KHDRBS3: variants seen among roughly 807,000 people sequenced by gnomAD.
The protein encoded by KHDRBS3 is KH domain-containing, RNA-binding, signal transduction-associated protein 3.
KHDRBS3 carries 23 observed loss-of-function variants against 45.6 expected under a neutral mutation model. The observed-to-expected ratio is 0.50, with a 90% confidence interval of 0.36 to 0.72. The LOEUF (loss-of-function observed/expected upper bound fraction) is 0.72, where lower values mean the gene tolerates loss of function less well. Ranked by LOEUF, KHDRBS3 falls within the 30% of genes least tolerant of loss-of-function variation. KHDRBS3 has a pLI of 0.00. For synonymous variants in KHDRBS3, 162 were observed against 156.5 expected (o/e 1.04, Z -0.26); for missense variants, 352 against 424.8 (o/e 0.83, Z 1.51).
At chr8:135,613,101 G>A (rs537501282) in intron 7 of KHDRBS3, among the ~76,000 whole-genome samples, 11 of 151,594 alleles carry the variant, frequency 7.3e-5, no homozygotes, top group South Asian at 6.2e-4. Context: ...ACTGGAAAGC[G>A]GCCCCTCATA....
chr8:135,618,745 G>A (rs1489925344), intron 7 of KHDRBS3, among the ~76,000 whole-genome samples: 2 of 152,090 alleles, frequency 1.3e-5, no homozygotes, highest in African/African-American at 2.4e-5. Context: ...GAGTCAGGCC[G>A]ACCTGACCTT....
chr8:135,584,169 G>A (rs959081623), intron 6 of KHDRBS3, among the ~76,000 whole-genome samples: 1 of 152,180 alleles, frequency 6.6e-6, no homozygotes, highest in Non-Finnish European at 1.5e-5. Flanking sequence ...ACTCTTCCAG[G>A]CACTGACTGT....
rs772322076 is a variant in KHDRBS3, at chr8:135,581,987, C to A, written c.721C>A (p.Leu241Ile). Residue 241 changes from leucine to isoleucine, a missense_variant, in exon 6 of 9, where the codon CTT becomes ATT. Leu to Ile is a conservative substitution (Grantham distance 5). Coordinates refer to ENST00000355849, the MANE Select transcript of KHDRBS3 (RefSeq NM_006558.3). ...AGGGCCAGTGAGTCGGGGAAGAGGA[C>A]TTCTCACTCCCAGAGCAAGAGGAGT... ...TRGPVSRGRGLLTPRARGVPP... is the reference protein window; with the variant it reads ...TRGPVSRGRGILTPRARGVPP... The A allele has an allele frequency of 1.2e-6, 2 of 1,613,382 alleles. No individual in the cohort carries two copies. Among genetic ancestry groups the A allele is most frequent in the Admixed American group, 3.3e-5 (2 of 59,924 alleles).
At chr8:135,544,440 G>A (rs1373449108) in intron 3 of KHDRBS3, among the ~76,000 whole-genome samples, 1 of 152,142 alleles carries the variant, frequency 6.6e-6, no homozygotes, top group Non-Finnish European at 1.5e-5. Flanking sequence ...TCAGGGCTTG[G>A]TGGGCCTTCC....
intron 1 of KHDRBS3, among the ~76,000 whole-genome samples, chr8:135,459,705 C>G (rs1171625389): frequency 6.6e-6 from 1 of 152,192 alleles, no homozygotes; most frequent in African/African-American, 2.4e-5. Context: ...AGTGCGTTAT[C>G]TTATTTTAAA....
intron 7 of KHDRBS3, among the ~76,000 whole-genome samples, chr8:135,614,386 CTT>C (rs1829828055): frequency 1.3e-5 from 2 of 151,730 alleles, no homozygotes; most frequent in Non-Finnish European, 2.9e-5. Flanking sequence ...TTGTAAATAT[CTT>C]TATTTTATTC....
chr8:135,517,942 A>G (rs545727220), intron 1 of KHDRBS3, among the ~76,000 whole-genome samples: 19 of 152,346 alleles, frequency 1.2e-4, no homozygotes, highest in African/African-American at 4.3e-4. Context: ...GATATTTTAT[A>G]TAGATTTTCT....
intron 1 of KHDRBS3, among the ~76,000 whole-genome samples, chr8:135,475,234 CAT>C (rs1822212581): frequency 1.3e-5 from 2 of 152,166 alleles, no homozygotes; most frequent in African/African-American, 4.8e-5. Flanking sequence ...TTAGGGGAGC[CAT>C]TATTCTGCCT....
chr8:135,646,356 C>T (rs550258892), intron 8 of KHDRBS3, among the ~76,000 whole-genome samples: 8 of 152,156 alleles, frequency 5.3e-5, no homozygotes, highest in South Asian at 4.2e-4. Context: ...TTGTTCAGTA[C>T]GGATTTAGCA....
intron 7 of KHDRBS3, among the ~76,000 whole-genome samples, chr8:135,617,756 T>C (rs1392934453): frequency 1.3e-5 from 2 of 152,206 alleles, no homozygotes; most frequent in African/African-American, 4.8e-5. Flanking sequence ...AAGTATTATA[T>C]CCAGAAACTA....
intron 1 of KHDRBS3, among the ~76,000 whole-genome samples, chr8:135,480,884 G>A (rs531463897): frequency 4.6e-5 from 7 of 152,140 alleles, no homozygotes; most frequent in African/African-American, 1.7e-4. Context: ...TCACTAATGA[G>A]CATTTCCAAT....
chr8:135,623,638 CAAG>C (rs886423475), intron 7 of KHDRBS3, among the ~76,000 whole-genome samples: 5 of 150,562 alleles, frequency 3.3e-5, no homozygotes, highest in African/African-American at 1.2e-4. Context: ...AAAACCCTGT[CAAG>C]AAAGACCAGG....
At chr8:135,598,630 A>G (rs1247106099) in intron 6 of KHDRBS3, among the ~76,000 whole-genome samples, 3 of 152,212 alleles carry the variant, frequency 2.0e-5, no homozygotes, top group Non-Finnish European at 4.4e-5. Flanking sequence ...ATTTAGAATC[A>G]TTGTTAATAT....
At chr8:135,552,353 A>G (rs1826647780) in intron 4 of KHDRBS3, among the ~76,000 whole-genome samples, 2 of 152,076 alleles carry the variant, frequency 1.3e-5, no homozygotes, top group African/African-American at 2.4e-5. Context: ...TTAATGGACT[A>G]GTCTTCAAGT....
chr8:135,488,085 T>G (rs1022841965), intron 1 of KHDRBS3, among the ~76,000 whole-genome samples: 1 of 152,238 alleles, frequency 6.6e-6, no homozygotes, highest in East Asian at 1.9e-4. Flanking sequence ...ATGTGGGACA[T>G]CAGTATTCAG....
chr8:135,471,921 C>G (rs985436802), intron 1 of KHDRBS3, among the ~76,000 whole-genome samples: 3 of 152,194 alleles, frequency 2.0e-5, no homozygotes. Flanking sequence ...CAATGAGAAT[C>G]CAGCTGCCTT....
chr8:135,510,124 C>A (rs986662265), intron 1 of KHDRBS3, among the ~76,000 whole-genome samples: 1 of 152,010 alleles, frequency 6.6e-6, no homozygotes, highest in Non-Finnish European at 1.5e-5. Flanking sequence ...GGACTACAGG[C>A]ATGCACTACC....
intron 1 of KHDRBS3, among the ~76,000 whole-genome samples, chr8:135,477,971 C>A (rs768562268): frequency 3.0e-4 from 45 of 152,166 alleles, no homozygotes; most frequent in Non-Finnish European, 2.9e-5. Context: ...ACCACCTGAG[C>A]GCTGCCTCCT....
rs561728804 is a variant in KHDRBS3 at position 135,641,164 on chromosome 8, T to G, written c.891-3895T>G. Among the ~76,000 whole-genome samples the G allele has an allele frequency of 6.6e-5, 10 of 152,316 alleles. No homozygotes were observed. The East Asian group carries it at 1.9e-3, about 29-fold the overall frequency. ...TATCTTCTTGTGCATTAAAAAACAT[T>G]CTTTACCCTCATTTTTATTATGCTG... On this transcript the variant is annotated intron_variant, in intron 7 of 8. Coordinates refer to ENST00000355849, the MANE Select transcript of KHDRBS3 (RefSeq NM_006558.3).
Sources: gnomAD v4.1 joint callset for allele counts (sites outside exome capture counted in the v4.1 genomes callset) on GRCh38, gnomAD v4.1.1 for gene constraint, MANE v1.5 for transcripts, NCBI Gene and HGNC (gene_info 2026-07-23, HGNC 2026-07-21) for gene names.